The following ZNF722 variants were observed in gnomAD, a reference collection of about 807,000 sequenced individuals.
ZNF722 encodes zinc finger protein 479 pseudogene.
At chr7:64,015,590 C>T in the ZNF722 span, 640 of 1,613,746 alleles carry the variant, frequency 4.0e-4, 1 homozygote, top group African/African-American at 7.4e-3. Context: ...AAGAATGTGG[C>T]CAAGCTTTTA....
At chr7:64,000,274 G>A in the ZNF722 span, among the ~76,000 whole-genome samples, 1 of 150,734 alleles carries the variant, frequency 6.6e-6, no homozygotes, top group Non-Finnish European at 1.5e-5. Context: ...GGGATTACAG[G>A]CATGCGTCAC....
the ZNF722 span, among the ~76,000 whole-genome samples, chr7:64,005,421 C>T: frequency 8.4e-4 from 127 of 151,538 alleles, no homozygotes; most frequent in Non-Finnish European, 1.5e-3. Context: ...TTATGCTATT[C>T]TCTTTTCTTA....
the ZNF722 span, among the ~76,000 whole-genome samples, chr7:64,004,410 T>TAAAAAAAAAAAAA: frequency 2.0e-4 from 7 of 35,250 alleles, no homozygotes; most frequent in East Asian, 3.3e-3. Flanking sequence ...CTCTGTCTCT[T>TAAAAAAAAAAAAA]AAAAAAAAAA....
At chr7:64,014,674 A>G in the ZNF722 span, among the ~76,000 whole-genome samples, 1 of 152,156 alleles carries the variant, frequency 6.6e-6, no homozygotes, top group Non-Finnish European at 1.5e-5. Flanking sequence ...CTGCTGTTGT[A>G]ACATTCACTT....
At chr7:64,007,230 G>GTATGTATATATATATATATATATATA in the ZNF722 span, among the ~76,000 whole-genome samples, 1 of 138,512 alleles carries the variant, frequency 7.2e-6, no homozygotes, top group African/African-American at 2.9e-5. Flanking sequence ...GTTTGTGTGT[G>GTATGTATATATATATATATATATATA]TATATATATA....
the ZNF722 span, among the ~76,000 whole-genome samples, chr7:64,007,315 A>G: frequency 2.6e-5 from 4 of 151,284 alleles, no homozygotes; most frequent in Admixed American, 2.6e-4. Context: ...ATATGTATAC[A>G]TGTGCCATGT....
the ZNF722 span, among the ~76,000 whole-genome samples, chr7:64,001,115 G>A: frequency 6.6e-6 from 1 of 152,088 alleles, no homozygotes; most frequent in Non-Finnish European, 1.5e-5. Flanking sequence ...AGGTTCAGGA[G>A]TACATGTGCA....
chr7:64,012,325 G>A, the ZNF722 span, among the ~76,000 whole-genome samples: 3 of 152,244 alleles, frequency 2.0e-5, no homozygotes, highest in East Asian at 3.9e-4. Flanking sequence ...GCTGGCAAGA[G>A]GCTGTGATCC....
chr7:64,010,893 C>G, the ZNF722 span, among the ~76,000 whole-genome samples: 4 of 152,104 alleles, frequency 2.6e-5, no homozygotes, highest in African/African-American at 9.7e-5. Flanking sequence ...CTTTGTAGGT[C>G]TCTAAGGACT....
chr7:64,015,890 TAC>T, the ZNF722 span: 1 of 1,556,068 alleles, frequency 6.4e-7, no homozygotes, highest in Admixed American at 1.7e-5. Flanking sequence ...AGATAATTCA[TAC>T]TGGAGAGAAA....
the ZNF722 span, among the ~76,000 whole-genome samples, chr7:64,014,656 C>T: frequency 4.5e-4 from 69 of 152,160 alleles, no homozygotes; most frequent in African/African-American, 1.6e-3. Flanking sequence ...CATGGTACTT[C>T]AGTCTTTCTG....
chr7:64,009,976 T>C, the ZNF722 span, among the ~76,000 whole-genome samples: 1 of 152,112 alleles, frequency 6.6e-6, no homozygotes, highest in Admixed American at 6.6e-5. Flanking sequence ...CTTGGGAGGG[T>C]GTATGTGTCC....
At chr7:64,010,839 T>C in the ZNF722 span, among the ~76,000 whole-genome samples, 2 of 152,134 alleles carry the variant, frequency 1.3e-5, no homozygotes, top group Non-Finnish European at 2.9e-5. Flanking sequence ...ATATTGACAG[T>C]GGGGTGTTAA....
the ZNF722 span, among the ~76,000 whole-genome samples, chr7:64,003,144 C>G: frequency 1.3e-5 from 2 of 152,210 alleles, no homozygotes; most frequent in East Asian, 3.9e-4. Flanking sequence ...GAAGGCTGCA[C>G]TGCCTGCCCT....
chr7:64,015,194 T>G, the ZNF722 span: 1 of 1,300,110 alleles, frequency 7.7e-7, no homozygotes, highest in Non-Finnish European at 1.1e-6. Flanking sequence ...GAGGTTATAA[T>G]GAAGTTAAGC....
the ZNF722 span, among the ~76,000 whole-genome samples, chr7:64,002,338 G>T: frequency 2.0e-5 from 3 of 152,144 alleles, no homozygotes; most frequent in African/African-American, 7.2e-5. Flanking sequence ...TGATGTGGAT[G>T]TTTAGTGACA....
the ZNF722 span, among the ~76,000 whole-genome samples, chr7:64,009,602 G>C: frequency 1.8e-4 from 28 of 152,230 alleles, no homozygotes; most frequent in African/African-American, 6.3e-4. Flanking sequence ...TGACTTGATC[G>C]TGGTGGATAA....
At chr7:64,009,307 C>T in the ZNF722 span, among the ~76,000 whole-genome samples, 10 of 152,282 alleles carry the variant, frequency 6.6e-5, no homozygotes, top group South Asian at 4.1e-4. Context: ...GAGAGGGCAT[C>T]CCTGTCTTGT....
chr7:64,004,283 C>T, the ZNF722 span, among the ~76,000 whole-genome samples: 7 of 149,488 alleles, frequency 4.7e-5, no homozygotes, highest in Admixed American at 2.0e-4. Flanking sequence ...GGTGCACACA[C>T]GTGTAATCCC....
Sources: allele counts gnomAD v4.1 joint callset (sites outside exome capture counted in the v4.1 genomes callset), GRCh38; gene constraint gnomAD v4.1.1; transcripts MANE v1.5; gene names NCBI Gene and HGNC (gene_info 2026-07-23, HGNC 2026-07-21).